Variants in MAGI2 observed in about 807,000 individuals in gnomAD.
The protein encoded by MAGI2 is membrane-associated guanylate kinase, WW and PDZ domain-containing protein 2.
In MAGI2, 35 loss-of-function variants were observed where a neutral mutation model predicts 133.3. The observed-to-expected ratio is 0.26, with a 90% CI of 0.20 to 0.35. The LOEUF (loss-of-function observed/expected upper bound fraction) is 0.35, where lower values mean the gene tolerates loss of function less well. Ranked by LOEUF, MAGI2 falls within the 10% of genes least tolerant of loss-of-function variation. The pLI is 1.00. For synonymous variants in MAGI2, 729 were observed against 710.6 expected (o/e 1.03, Z -0.41); for missense variants, 1,636 against 1,863.4 (o/e 0.88, Z 2.25).
chr7:78,185,716 T>G, intron 12 of MAGI2, 46 bp from the exon 13 acceptor site: 1 of 1,442,398 alleles, frequency 6.9e-7, no homozygotes, highest in Non-Finnish European at 9.6e-7. Flanking sequence ...ATTTATGGCA[T>G]TTTAAAATTC....
chr7:78,884,304 C>G (rs1333321398), intron 2 of MAGI2, among the ~76,000 whole-genome samples: 2 of 151,846 alleles, frequency 1.3e-5, no homozygotes, highest in Non-Finnish European at 2.9e-5. Flanking sequence ...TTAAGCAGAC[C>G]CAATCTCTAC....
intron 9 of MAGI2, among the ~76,000 whole-genome samples, chr7:78,333,445 C>T (rs1789438185): frequency 6.6e-6 from 1 of 152,192 alleles, no homozygotes; most frequent in South Asian, 2.1e-4. Flanking sequence ...GTTCCCCCTT[C>T]TCTTGAGTCT....
At chr7:78,059,049 G>A (rs1424569144) in intron 21 of MAGI2, among the ~76,000 whole-genome samples, 1 of 152,082 alleles carries the variant, frequency 6.6e-6, no homozygotes, top group Admixed American at 6.6e-5. Flanking sequence ...TCTTACTTCT[G>A]TTTTTAGTTT....
chr7:79,363,777 C>T (rs6966753), intron 1 of MAGI2, among the ~76,000 whole-genome samples: 21,948 of 150,706 alleles, frequency 0.15, 1,702 homozygotes, highest in South Asian at 0.25. Context: ...AAGAGACAAC[C>T]TATGGATTGG....
At chr7:79,321,473 AACATTCTC>A (rs1839178758) in intron 1 of MAGI2, among the ~76,000 whole-genome samples, 1 of 149,496 alleles carries the variant, frequency 6.7e-6, no homozygotes, top group Non-Finnish European at 1.5e-5. Flanking sequence ...CAACCACGTT[AACATTCTC>A]ACAGAACACG....
intron 9 of MAGI2, among the ~76,000 whole-genome samples, chr7:78,338,694 T>A (rs1790030896): frequency 6.6e-6 from 1 of 152,244 alleles, no homozygotes; most frequent in African/African-American, 2.4e-5. Flanking sequence ...CATGTCATTT[T>A]AAATTATCTC....
intron 20 of MAGI2, among the ~76,000 whole-genome samples, chr7:78,081,697 T>C (rs958757458): frequency 2.0e-5 from 3 of 152,200 alleles, no homozygotes. Context: ...GTTTAGGTTT[T>C]ATTTTAAAGG....
At chr7:78,244,251 A>G (rs1177863035) in intron 10 of MAGI2, among the ~76,000 whole-genome samples, 1 of 149,160 alleles carries the variant, frequency 6.7e-6, no homozygotes, top group Admixed American at 6.7e-5. Context: ...TGGAAGAAAA[A>G]TGGAGAATAT....
intron 1 of MAGI2, among the ~76,000 whole-genome samples, chr7:79,293,060 T>C (rs924913404): frequency 1.3e-5 from 2 of 152,212 alleles, no homozygotes; most frequent in African/African-American, 2.4e-5. Flanking sequence ...TATCCCTCTT[T>C]GACCTTATAG....
At chr7:78,853,904 G>A (rs1416878927) in intron 2 of MAGI2, among the ~76,000 whole-genome samples, 1 of 151,726 alleles carries the variant, frequency 6.6e-6, no homozygotes, top group African/African-American at 2.4e-5. Flanking sequence ...GCCATGGCAA[G>A]ATAAGTGTCC....
At chr7:78,788,853 C>A (rs117226289) in intron 2 of MAGI2, among the ~76,000 whole-genome samples, 1 of 152,148 alleles carries the variant, frequency 6.6e-6, no homozygotes, top group Non-Finnish European at 1.5e-5. Flanking sequence ...TAAAGACCTT[C>A]CCATTACAGC....
chr7:78,404,715 C>A (rs1797218999), intron 6 of MAGI2, among the ~76,000 whole-genome samples: 3 of 152,230 alleles, frequency 2.0e-5, no homozygotes, highest in Admixed American at 1.3e-4. Flanking sequence ...CCATAAAAAT[C>A]CTAGAAGAAT....
At chr7:78,399,577 G>T (rs1337993673) in intron 6 of MAGI2, among the ~76,000 whole-genome samples, 2 of 152,064 alleles carry the variant, frequency 1.3e-5, no homozygotes, top group African/African-American at 2.4e-5. Context: ...AGCTGAGGTG[G>T]GTGGATCACT....
chr7:79,110,323 C>A (rs1481233016), intron 1 of MAGI2, among the ~76,000 whole-genome samples: 3 of 152,166 alleles, frequency 2.0e-5, no homozygotes, highest in African/African-American at 4.8e-5. Context: ...CTGAACCCTA[C>A]AAAGCCACAG....
intron 2 of MAGI2, among the ~76,000 whole-genome samples, chr7:78,839,897 CTAGTTTATGCCATAAGT>C (rs1165091330): frequency 9.9e-5 from 15 of 152,170 alleles, no homozygotes; most frequent in Middle Eastern, 3.4e-3. Context: ...CTGTAGTGCT[CTAGTTTATGCCATAAGT>C]TAGTTTATGC....
chr7:78,149,209 A>G (rs1454044404), intron 16 of MAGI2, among the ~76,000 whole-genome samples: 2 of 152,200 alleles, frequency 1.3e-5, no homozygotes, highest in Non-Finnish European at 2.9e-5. Flanking sequence ...AGTGCAGGAT[A>G]AAACATTTCC....
chr7:78,321,687 T>TA (rs1486698127), intron 9 of MAGI2, among the ~76,000 whole-genome samples: 1 of 152,028 alleles, frequency 6.6e-6, no homozygotes, highest in African/African-American at 2.4e-5. Context: ...ACCCAGGCAA[T>TA]ACCATTCAGG....
chr7:78,764,638 C>G (rs764274057), intron 2 of MAGI2, among the ~76,000 whole-genome samples: 2 of 152,184 alleles, frequency 1.3e-5, no homozygotes, highest in Non-Finnish European at 2.9e-5. Context: ...GATCCCACCT[C>G]TTTACAAATC....
chr7:78,042,369 T>G (rs1810945855), intron 21 of MAGI2, among the ~76,000 whole-genome samples: 1 of 152,196 alleles, frequency 6.6e-6, no homozygotes, highest in Non-Finnish European at 1.5e-5. Flanking sequence ...TGAGCCAACA[T>G]GGGTGGGCTG....
Sources: gnomAD v4.1 joint callset for allele counts (sites outside exome capture counted in the v4.1 genomes callset) on GRCh38, gnomAD v4.1.1 for gene constraint, MANE v1.5 for transcripts, NCBI Gene and HGNC (gene_info 2026-07-23, HGNC 2026-07-21) for gene names.